TRIM37: variants seen among roughly 807,000 people sequenced by gnomAD.
TRIM37 encodes the protein E3 ubiquitin-protein ligase TRIM37.
Under a neutral mutation model 129.8 loss-of-function variants are expected in TRIM37, and 80 were observed. The ratio of observed to expected loss-of-function variants is 0.62; its 90% CI spans 0.51 to 0.74. The LOEUF (loss-of-function observed/expected upper bound fraction) is 0.74. Among genes scored for constraint, TRIM37 ranks in the 30% least tolerant of loss-of-function variants. TRIM37 has a pLI of 0.00. For synonymous variants in TRIM37, 389 were observed against 387.1 expected (o/e 1.00, Z -0.06); for missense variants, 1,054 against 1,176.5 (o/e 0.90, Z 1.52).
intron 21 of TRIM37, among the ~76,000 whole-genome samples, chr17:59,014,642 A>G (rs1426122579): frequency 6.6e-6 from 1 of 152,010 alleles, no homozygotes; most frequent in Non-Finnish European, 1.5e-5. Context: ...TGTTTCATAC[A>G]AAATATATAT....
At position 59,080,200 on chromosome 17, in the gene TRIM37, T is replaced by C. The variant is rs1412308034; in HGVS notation, c.493-323A>G. Among the ~76,000 whole-genome samples, 5 of 152,358 alleles carry C rather than the reference T, an allele frequency of 3.3e-5. No individual in the cohort carries two copies. In the East Asian group the frequency reaches 9.6e-4, roughly 29 times the overall value. ...ATGGTCCATAAACCTCATTTATGAC[T>C]GTCATTCTAACAACTTGAAACAAAA... On this transcript the variant is annotated intron_variant, in intron 6 of 23. Transcript: ENST00000262294.
intron 19 of TRIM37, among the ~76,000 whole-genome samples, chr17:59,022,653 T>TA (rs1293007739): frequency 6.6e-6 from 1 of 152,186 alleles, no homozygotes; most frequent in Non-Finnish European, 1.5e-5. Context: ...GCATGTGACT[T>TA]AGAATAGTTA....
intron 19 of TRIM37, among the ~76,000 whole-genome samples, chr17:59,018,324 A>G (rs2036193435): frequency 6.6e-6 from 1 of 152,168 alleles, no homozygotes; most frequent in South Asian, 2.1e-4. Context: ...CTCTTTTAAA[A>G]ATACATTTTA....
chr17:58,981,135 C>A, downstream of TRIM37: 2 of 750,626 alleles, frequency 2.7e-6, no homozygotes, highest in South Asian at 2.0e-5. Flanking sequence ...CATTATGAAT[C>A]CATGGATGGC....
intron 2 of TRIM37, among the ~76,000 whole-genome samples, chr17:59,102,216 A>G (rs1451959672): frequency 6.6e-6 from 1 of 152,230 alleles, no homozygotes; most frequent in Non-Finnish European, 1.5e-5. Flanking sequence ...CAGAAACCTC[A>G]GAGTAGAGAA....
chr17:59,064,537 T>G, intron 9 of TRIM37, 132 bp from the exon 10 acceptor site: 1 of 655,814 alleles, frequency 1.5e-6, no homozygotes, highest in Non-Finnish European at 2.7e-6. Context: ...TTTTAAATCT[T>G]TATTGAACAT....
the TRIM37 span, among the ~76,000 whole-genome samples, chr17:58,970,425 G>A: frequency 6.6e-6 from 1 of 151,790 alleles, no homozygotes; most frequent in Non-Finnish European, 1.5e-5. Context: ...TTTTAACTGG[G>A]GACGAATAAA....
chr17:59,037,064 G>A (rs1276598277), intron 17 of TRIM37, among the ~76,000 whole-genome samples: 1 of 151,834 alleles, frequency 6.6e-6, no homozygotes, highest in Non-Finnish European at 1.5e-5. Context: ...GCAGTGAGCC[G>A]AGATCGTGCC....
chr17:59,032,247 C>T (rs531349553), intron 17 of TRIM37, among the ~76,000 whole-genome samples, 157 bp from the exon 18 acceptor site: 3 of 152,192 alleles, frequency 2.0e-5, no homozygotes, highest in South Asian at 2.1e-4. Context: ...GAACCAGGGC[C>T]GGGCGCGGTG....
At chr17:58,982,649 T>G (rs2031426572), downstream of TRIM37, 1 of 470,802 alleles carries the variant, frequency 2.1e-6, no homozygotes, top group South Asian at 3.2e-5. Context: ...TTAGCAATGA[T>G]CAGATTGTTA....
chr17:59,011,710 A>C (rs1428006816), intron 22 of TRIM37, among the ~76,000 whole-genome samples: 1 of 152,236 alleles, frequency 6.6e-6, no homozygotes, highest in African/African-American at 2.4e-5. Context: ...CATGCAAAAG[A>C]AACACTAGAA....
chr17:59,002,480 A>G (rs868096768), intron 22 of TRIM37, among the ~76,000 whole-genome samples: 6 of 152,224 alleles, frequency 3.9e-5, no homozygotes, highest in Middle Eastern at 3.4e-3. Context: ...GCTTGAGAAG[A>G]GATCCTCCCA....
intron 24 of TRIM37, chr17:58,984,997 A>C (rs1373661245): frequency 6.6e-6 from 1 of 152,656 alleles, no homozygotes; most frequent in African/African-American, 2.4e-5. Flanking sequence ...GAGTGAAGCG[A>C]ATGAAGTGAA....
At chr17:59,091,378 T>C (rs1296565641) in intron 2 of TRIM37, 38 bp from the exon 3 acceptor site, 1 of 1,250,842 alleles carries the variant, frequency 8.0e-7, no homozygotes, top group Non-Finnish European at 1.1e-6. Flanking sequence ...TTAGAAAACA[T>C]CATTACTATA....
chr17:59,003,519 A>G (rs2034056067), intron 22 of TRIM37, among the ~76,000 whole-genome samples: 1 of 152,092 alleles, frequency 6.6e-6, no homozygotes, highest in Non-Finnish European at 1.5e-5. Flanking sequence ...AGAGATGGGT[A>G]GTGTAGTTAT....
rs1265561685 is a variant in TRIM37, at chr17:59,049,244, T to C, written c.1464A>G (p.Thr488=). Reference sequence around the variant, plus strand: ...CCTCTTTGGCCTCTCTTACAGAAGCTGTAGTAGGACCACCTTCGAGAAGCA... The same window carrying C: ...CCTCTTTGGCCTCTCTTACAGAAGCCGTAGTAGGACCACCTTCGAGAAGCA... ...SDMLLEGGPT[T]ASVREAKEDE... The change falls in exon 15 of 24, where the codon ACA becomes ACG. Residue 488 remains threonine, a synonymous_variant. Transcript: ENST00000262294. The C allele has an allele frequency of 2.7e-5, 43 of 1,614,182 alleles. No individual in the cohort carries two copies. Among genetic ancestry groups the C allele is most frequent in the Non-Finnish European group, 3.4e-5 (40 of 1,180,042 alleles).
chr17:58,979,023 G>A (rs924626661), downstream of TRIM37, among the ~76,000 whole-genome samples: 4 of 152,098 alleles, frequency 2.6e-5, no homozygotes, highest in Non-Finnish European at 5.9e-5. Context: ...TCCCTCAATT[G>A]AGGCAACTTC....
At chr17:59,077,911 G>T (rs1452945758) in intron 7 of TRIM37, among the ~76,000 whole-genome samples, 2 of 150,796 alleles carry the variant, frequency 1.3e-5, no homozygotes, top group East Asian at 1.9e-4. Flanking sequence ...ATCACCTGAG[G>T]TCAGGAGCTC....
rs568907748 is a variant in TRIM37, at chr17:59,081,765, C to A, written c.370-546G>T. 3.7e-4 allele frequency among the ~76,000 whole-genome samples: 56 copies of A among 151,264 alleles called. No homozygotes were observed. The East Asian group carries it at 9.3e-3, about 25-fold the overall frequency. On this transcript the variant is annotated intron_variant, in intron 5 of 23. Coordinates refer to ENST00000262294, the MANE Select transcript of TRIM37 (RefSeq NM_015294.6). ...TCTACTAAAATACAAAATGTAGCCA[C>A]GCATGTTGGCGCACACCTGTAATCC...
Sources: allele counts gnomAD v4.1 joint callset (sites outside exome capture counted in the v4.1 genomes callset), GRCh38; gene constraint gnomAD v4.1.1; transcripts MANE v1.5; gene names NCBI Gene and HGNC (gene_info 2026-07-23, HGNC 2026-07-21).